The following SPIDR variants were observed in gnomAD, a reference collection of about 807,000 sequenced individuals.
The protein encoded by SPIDR is scaffold protein involved in DNA repair.
A neutral mutation model predicts 104.6 loss-of-function variants in SPIDR; 93 were observed. That is an observed-to-expected ratio of 0.89 (90% CI 0.75 to 1.06). The LOEUF is 1.06. SPIDR is among the 50% of genes least tolerant of loss of function. SPIDR has a pLI of 0.00. For missense variants in SPIDR, 1,154 were observed against 1,111.2 expected (o/e 1.04, Z -0.55); for synonymous variants, 431 against 416.9 (o/e 1.03, Z -0.41).
chr8:47,360,240 A>G, intron 5 of SPIDR, among the ~76,000 whole-genome samples: 1 of 89,610 alleles, frequency 1.1e-5, no homozygotes, highest in East Asian at 3.4e-4. Flanking sequence ...ATGAGACTCC[A>G]TCTCAAAAAA....
chr8:47,530,886 T>C (rs2085872872), intron 8 of SPIDR, among the ~76,000 whole-genome samples: 1 of 152,094 alleles, frequency 6.6e-6, no homozygotes, highest in Non-Finnish European at 1.5e-5. Context: ...ATATCCCTAT[T>C]CTAAAATTTT....
intron 8 of SPIDR, among the ~76,000 whole-genome samples, chr8:47,499,544 CTTTT>C (rs759672744): frequency 7.6e-6 from 1 of 131,078 alleles, no homozygotes; most frequent in Non-Finnish European, 1.7e-5. Context: ...GGCAGCATTT[CTTTT>C]TTTTTTTTTT....
intron 16 of SPIDR, among the ~76,000 whole-genome samples, chr8:47,722,650 ATAAT>A (rs975212366): frequency 2.0e-5 from 3 of 152,240 alleles, no homozygotes; most frequent in Non-Finnish European, 4.4e-5. Context: ...TTGTATAACT[ATAAT>A]TAAGCTTTGC....
chr8:47,576,401 T>G (rs2059133352), intron 8 of SPIDR, among the ~76,000 whole-genome samples: 1 of 152,238 alleles, frequency 6.6e-6, no homozygotes, highest in Non-Finnish European at 1.5e-5. Context: ...TCCGTCCGCC[T>G]TGGCCTCCCA....
rs2040376571 is a variant in SPIDR, at chr8:47,293,848, T to G, written c.362-19T>G. On this transcript the variant is annotated intron_variant, in intron 4 of 19. Transcript: ENST00000297423. ...AGATTAAGGAGATAATTAAGCAAGT[T>G]AAAAATTATATTTTTTAGATGAATT... 6.3e-7 allele frequency: 1 copy of G among 1,594,088 alleles called. No individual in the cohort carries two copies. The highest frequency in any genetic ancestry group is 1.3e-5 in the African/African-American group (1 of 74,144).
chr8:47,370,439 ATTTTTTTTTTT>A (rs34220804), intron 5 of SPIDR, among the ~76,000 whole-genome samples: 2 of 99,078 alleles, frequency 2.0e-5, no homozygotes, highest in Non-Finnish European at 3.8e-5. Context: ...AGAGGTCAAG[ATTTTTTTTTTT>A]TTTTTTTTTT....
Position 47,699,883 on chromosome 8 carries a change from A to G in SPIDR, c.1686-520A>G, listed in dbSNP as rs537335791. 3.9e-5 allele frequency among the ~76,000 whole-genome samples: 6 copies of G among 152,360 alleles called. No individual in the cohort carries two copies. The East Asian group carries it at 1.2e-3, about 29-fold the overall frequency. ...ATAACTTTTCTTACATAAGTAATAC[A>G]TATCTGTTTGGGGAAAATATACAAA... On this transcript the variant is annotated intron_variant, in intron 11 of 19. Coordinates refer to ENST00000297423, the MANE Select transcript of SPIDR (RefSeq NM_001080394.4).
intron 14 of SPIDR, among the ~76,000 whole-genome samples, chr8:47,711,337 TTTTTAG>T (rs997277377): frequency 9.2e-5 from 14 of 152,282 alleles, no homozygotes; most frequent in South Asian, 2.1e-4. Flanking sequence ...TTTTGGGGTT[TTTTTAG>T]TTTTAGTTTT....
At chr8:47,458,931 G>A (rs1011155567) in intron 8 of SPIDR, among the ~76,000 whole-genome samples, 1 of 152,088 alleles carries the variant, frequency 6.6e-6, no homozygotes, top group Non-Finnish European at 1.5e-5. Context: ...TTCTTTTTAT[G>A]TGGTGTATCA....
intron 11 of SPIDR, among the ~76,000 whole-genome samples, chr8:47,675,112 C>T (rs1264695934): frequency 6.6e-6 from 1 of 152,224 alleles, no homozygotes; most frequent in Non-Finnish European, 1.5e-5. Context: ...TCTTGGCTCA[C>T]TGCAACCTCT....
chr8:47,456,543 A>T (rs2073010629), intron 8 of SPIDR, among the ~76,000 whole-genome samples: 1 of 152,200 alleles, frequency 6.6e-6, no homozygotes, highest in Admixed American at 6.5e-5. Context: ...AAAATTAATA[A>T]ACATGTGGAA....
chr8:47,578,883 T>C (rs2059417699), intron 8 of SPIDR, among the ~76,000 whole-genome samples: 1 of 152,194 alleles, frequency 6.6e-6, no homozygotes, highest in Non-Finnish European at 1.5e-5. Context: ...GTTTCTTAGT[T>C]ATATGTAACT....
Position 47,307,085 on chromosome 8 carries a change from A to G in SPIDR, c.525+13055A>G, listed in dbSNP as rs954224266. Among the ~76,000 whole-genome samples the G allele has an allele frequency of 2.6e-5, 4 of 152,114 alleles. 1 individual carries two copies. The South Asian group carries it at 8.3e-4, about 32-fold the overall frequency. ...ATCCATTTGAATTTAAATTATTTGTACAGAAGGATTTCTGTCATTTTGTTG... is the reference window on the plus strand; with the variant it reads ...ATCCATTTGAATTTAAATTATTTGTGCAGAAGGATTTCTGTCATTTTGTTG... On this transcript the variant is annotated intron_variant, in intron 5 of 19. Coordinates refer to ENST00000297423, the MANE Select transcript of SPIDR (RefSeq NM_001080394.4).
chr8:47,395,996 A>T (rs1322206579), intron 5 of SPIDR, among the ~76,000 whole-genome samples: 1 of 152,224 alleles, frequency 6.6e-6, no homozygotes, highest in Admixed American at 6.5e-5. Flanking sequence ...TCCAAGAAAT[A>T]CTTTCTTTCC....
intron 10 of SPIDR, among the ~76,000 whole-genome samples, chr8:47,655,288 T>G (rs1246759688): frequency 6.6e-6 from 1 of 152,212 alleles, no homozygotes; most frequent in Non-Finnish European, 1.5e-5. Context: ...TCTAGATCCC[T>G]GAGGAATCGC....
intron 10 of SPIDR, among the ~76,000 whole-genome samples, chr8:47,647,674 GA>G (rs1372411987): frequency 6.6e-6 from 1 of 150,998 alleles, no homozygotes; most frequent in African/African-American, 2.4e-5. Context: ...GAGAGGGAGA[GA>G]GGGAGAGAGA....
chr8:47,289,551 C>G (rs1267693865), intron 3 of SPIDR, among the ~76,000 whole-genome samples: 1 of 152,020 alleles, frequency 6.6e-6, no homozygotes, highest in Non-Finnish European at 1.5e-5. Context: ...GATGAAATAG[C>G]CCCATTCTGT....
intron 7 of SPIDR, among the ~76,000 whole-genome samples, chr8:47,436,696 C>T (rs114087846): frequency 1.1e-4 from 16 of 152,172 alleles, no homozygotes; most frequent in Non-Finnish European, 2.4e-4. Flanking sequence ...ATTGTACTCC[C>T]GCCTGGGCGA....
At chr8:47,679,012 A>G (rs1207622837) in intron 11 of SPIDR, among the ~76,000 whole-genome samples, 1 of 151,716 alleles carries the variant, frequency 6.6e-6, no homozygotes, top group Non-Finnish European at 1.5e-5. Context: ...GCTTTATTTA[A>G]CCCCCTTTTC....
Sources: gnomAD v4.1 joint callset for allele counts (sites outside exome capture counted in the v4.1 genomes callset) on GRCh38, gnomAD v4.1.1 for gene constraint, MANE v1.5 for transcripts, NCBI Gene and HGNC (gene_info 2026-07-23, HGNC 2026-07-21) for gene names.